ATXN1: variants seen among roughly 807,000 people sequenced by gnomAD.
ATXN1 encodes the protein ataxin-1.
Under a neutral mutation model 56.4 loss-of-function variants are expected in ATXN1, and 8 were observed. The observed-to-expected ratio is 0.14, with a 90% CI of 0.08 to 0.26. The LOEUF is 0.26. Among genes scored for constraint, ATXN1 ranks in the 10% least tolerant of loss-of-function variants. The pLI, the probability that ATXN1 is intolerant of heterozygous loss-of-function variation, is 1.00. For missense variants in ATXN1, 987 were observed against 1,106.5 expected (o/e 0.89, Z 1.53); for synonymous variants, 514 against 494.6 (o/e 1.04, Z -0.52).
chr6:16,484,943 ATAT>A (rs1201451596), intron 6 of ATXN1, among the ~76,000 whole-genome samples: 3 of 124,274 alleles, frequency 2.4e-5, no homozygotes, highest in African/African-American at 8.9e-5. Flanking sequence ...AAACCTAAAT[ATAT>A]ATGTGTGTGT....
At chr6:16,616,966 G>C (rs1763224365) in intron 3 of ATXN1, among the ~76,000 whole-genome samples, 1 of 151,676 alleles carries the variant, frequency 6.6e-6, no homozygotes, top group African/African-American at 2.4e-5. Flanking sequence ...TATTTTATTT[G>C]ATTATTAGTT....
chr6:16,593,795 T>C (rs1762764907), intron 3 of ATXN1, among the ~76,000 whole-genome samples: 1 of 151,432 alleles, frequency 6.6e-6, no homozygotes, highest in Non-Finnish European at 1.5e-5. Context: ...TGCTGTATAA[T>C]ATTCCATTCT....
intron 1 of ATXN1, among the ~76,000 whole-genome samples, chr6:16,757,540 T>G (rs1760923081): frequency 6.6e-6 from 1 of 152,142 alleles, no homozygotes; most frequent in African/African-American, 2.4e-5. Context: ...CAGGCCACAA[T>G]GAATTTACCA....
intron 6 of ATXN1, among the ~76,000 whole-genome samples, chr6:16,400,417 C>G (rs545379236): frequency 6.6e-6 from 1 of 152,346 alleles, no homozygotes; most frequent in East Asian, 1.9e-4. Context: ...TCCTTCTCTT[C>G]TGACCACGTG....
chr6:16,440,445 GA>G (rs879316291), intron 6 of ATXN1, among the ~76,000 whole-genome samples: 142 of 133,706 alleles, frequency 1.1e-3, no homozygotes, highest in East Asian at 2.8e-3. Context: ...TGAAGTAAAA[GA>G]AAAAAAAAAA....
chr6:16,647,832 T>C (rs1009234951), intron 3 of ATXN1, among the ~76,000 whole-genome samples: 4 of 152,134 alleles, frequency 2.6e-5, no homozygotes, highest in Non-Finnish European at 4.4e-5. Flanking sequence ...TCCCAGCACT[T>C]TGGGAGGCTG....
At chr6:16,309,592 TGAA>T (rs1233807077) in intron 7 of ATXN1, among the ~76,000 whole-genome samples, 1 of 151,976 alleles carries the variant, frequency 6.6e-6, no homozygotes, top group African/African-American at 2.4e-5. Flanking sequence ...TTTCCCAAAC[TGAA>T]GAAGGATAAT....
chr6:16,637,632 T>C (rs989699355), intron 3 of ATXN1, among the ~76,000 whole-genome samples: 13 of 152,194 alleles, frequency 8.5e-5, no homozygotes, highest in African/African-American at 3.1e-4. Context: ...CACCTTAAAA[T>C]ATCCATGTCG....
chr6:16,731,706 A>G (rs751355901), intron 2 of ATXN1, among the ~76,000 whole-genome samples: 1 of 151,986 alleles, frequency 6.6e-6, no homozygotes, highest in Non-Finnish European at 1.5e-5. Flanking sequence ...ATGAAAAAGT[A>G]CATTTGTCAT....
rs992017833 is a variant in ATXN1 at position 16,300,096 on chromosome 6, G to A, written c.*6233C>T. 3.9e-5 allele frequency: 6 copies of A among 152,628 alleles called. No homozygotes were observed. The highest frequency in any genetic ancestry group is 3.3e-4 in the Admixed American group (5 of 15,276). 9.5% of individuals were successfully genotyped at this position (152,628 alleles called of 1,614,324 possible). ...ACTGTAAACAACACTTCCAACGAAG[G>A]CCTTCAGATTGGCCACAGAAAAGGA... On this transcript the variant is annotated 3_prime_UTR_variant, in exon 8 of 8. Coordinates refer to ENST00000436367, the MANE Select transcript of ATXN1 (RefSeq NM_001128164.2).
intron 5 of ATXN1, among the ~76,000 whole-genome samples, chr6:16,512,112 C>CG (rs975937698): frequency 3.9e-4 from 60 of 151,966 alleles, no homozygotes; most frequent in African/African-American, 1.4e-3. Context: ...GGCCTCCCCG[C>CG]CTCCATTCAG....
At chr6:16,471,688 CGTGT>C (rs70999327) in intron 6 of ATXN1, among the ~76,000 whole-genome samples, 140 of 149,388 alleles carry the variant, frequency 9.4e-4, no homozygotes, top group African/African-American at 2.6e-3. Context: ...TGCATGCATG[CGTGT>C]GTGTGTGTGT....
intron 6 of ATXN1, among the ~76,000 whole-genome samples, chr6:16,456,798 G>A (rs1759885349): frequency 6.6e-6 from 1 of 152,066 alleles, no homozygotes; most frequent in Non-Finnish European, 1.5e-5. Context: ...ATAAATTTCA[G>A]GACTCTGCTC....
chr6:16,318,766 C>T (rs1050175174), intron 7 of ATXN1, among the ~76,000 whole-genome samples: 4 of 152,172 alleles, frequency 2.6e-5, no homozygotes, highest in Non-Finnish European at 1.5e-5. Flanking sequence ...CACATGGTAG[C>T]GTGGCTCACA....
intron 6 of ATXN1, among the ~76,000 whole-genome samples, chr6:16,477,547 C>T (rs939144813): frequency 1.3e-5 from 2 of 152,162 alleles, no homozygotes; most frequent in African/African-American, 4.8e-5. Context: ...GGCTTTCAGG[C>T]CAGACCTGTC....
At chr6:16,407,840 C>T (rs1308950679) in intron 6 of ATXN1, among the ~76,000 whole-genome samples, 1 of 152,120 alleles carries the variant, frequency 6.6e-6, no homozygotes. Flanking sequence ...TGTGTGGAGG[C>T]CTGTTTGATG....
At chr6:16,734,007 G>A (rs754883688) in intron 2 of ATXN1, among the ~76,000 whole-genome samples, 8 of 151,864 alleles carry the variant, frequency 5.3e-5, no homozygotes, top group Non-Finnish European at 1.0e-4. Context: ...CAGGAGAATC[G>A]CTTGAACCCA....
rs1255009553 is a variant in ATXN1, at chr6:16,327,129, G to A, written c.1182C>T (p.Asp394=). 1 of 1,613,612 alleles carries A rather than the reference G, an allele frequency of 6.2e-7. No individual in the cohort carries two copies. Among genetic ancestry groups the A allele is most frequent in the Admixed American group, 1.7e-5 (1 of 60,036 alleles). Residue 394 remains aspartate, a synonymous_variant, in exon 7 of 8, where the codon GAC becomes GAT. Coordinates refer to ENST00000436367, the MANE Select transcript of ATXN1 (RefSeq NM_001128164.2). ...GATGAGTGGCCTGTTGCACCTCCAG[G>A]TCAGCTGCGGGCGTGTTGCTGTTGG... ...VLPNSNTPAA[D]LEVQQATHRE...
intron 2 of ATXN1, among the ~76,000 whole-genome samples, chr6:16,723,676 T>C (rs375304047): frequency 6.6e-6 from 1 of 152,130 alleles, no homozygotes; most frequent in East Asian, 1.9e-4. Context: ...TTACACAATT[T>C]CAACTTCTAA....
Sources: gnomAD v4.1 joint callset for allele counts (sites outside exome capture counted in the v4.1 genomes callset) on GRCh38, gnomAD v4.1.1 for gene constraint, MANE v1.5 for transcripts, NCBI Gene and HGNC (gene_info 2026-07-23, HGNC 2026-07-21) for gene names.